APP: variants seen among roughly 807,000 people sequenced by gnomAD.
APP encodes amyloid beta precursor protein.
Under a neutral mutation model 101.4 loss-of-function variants are expected in APP, and 31 were observed. The ratio of observed to expected loss-of-function variants is 0.31; its 90% confidence interval spans 0.23 to 0.41. The LOEUF is 0.41. Ranked by LOEUF, APP falls within the 10% of genes least tolerant of loss-of-function variation. The pLI is 1.00. For synonymous variants in APP, 366 were observed against 364.4 expected, an observed-to-expected ratio of 1.00 and a Z score of -0.05; for missense variants, 839 against 1,003.7, an observed-to-expected ratio of 0.84 and a Z score of 2.22.
At chr21:25,920,295 A>G (rs375059625) in intron 13 of APP, among the ~76,000 whole-genome samples, 9 of 152,188 alleles carry the variant, frequency 5.9e-5, no homozygotes, top group Middle Eastern at 3.4e-3. Flanking sequence ...AAAGACCATC[A>G]AGACTAGGAA....
At chr21:26,000,942 AT>A (rs2043266944) in intron 6 of APP, among the ~76,000 whole-genome samples, 3 of 151,850 alleles carry the variant, frequency 2.0e-5, no homozygotes, top group Admixed American at 2.0e-4. Flanking sequence ...TATTTAATTG[AT>A]ATTTATATAT....
chr21:26,125,622 C>G (rs2062666320), intron 1 of APP, among the ~76,000 whole-genome samples: 1 of 150,862 alleles, frequency 6.6e-6, no homozygotes, highest in Non-Finnish European at 1.5e-5. Flanking sequence ...TGGCCAAGGT[C>G]AACAGGCATT....
chr21:26,105,003 GA>G (rs895280777), intron 2 of APP, among the ~76,000 whole-genome samples: 28 of 91,686 alleles, frequency 3.1e-4, no homozygotes, highest in Non-Finnish European at 4.0e-4. Flanking sequence ...ACTATTGGGA[GA>G]AAAAAAAAAT....
intron 8 of APP, among the ~76,000 whole-genome samples, chr21:25,988,780 C>A (rs533313750): frequency 6.6e-6 from 1 of 151,318 alleles, no homozygotes; most frequent in African/African-American, 2.4e-5. Flanking sequence ...GGTTGTTGCC[C>A]TCAGCCCCCT....
chr21:25,901,096 G>A (rs1270488545), intron 15 of APP, among the ~76,000 whole-genome samples: 1 of 151,880 alleles, frequency 6.6e-6, no homozygotes, highest in Non-Finnish European at 1.5e-5. Flanking sequence ...TCAGGAGTTC[G>A]AGACCAGCCT....
intron 1 of APP, among the ~76,000 whole-genome samples, chr21:26,164,219 T>C (rs2063559405): frequency 6.6e-6 from 1 of 152,236 alleles, no homozygotes; most frequent in African/African-American, 2.4e-5. Flanking sequence ...CATTCCAGCT[T>C]GGGCGACAGG....
At chr21:26,023,450 G>C (rs55703628) in intron 5 of APP, among the ~76,000 whole-genome samples, 2 of 151,908 alleles carry the variant, frequency 1.3e-5, no homozygotes, top group Non-Finnish European at 2.9e-5. Context: ...TGGGGCGGGA[G>C]GATTGCTTGA....
At chr21:26,163,632 T>C (rs2063546146) in intron 1 of APP, among the ~76,000 whole-genome samples, 1 of 152,226 alleles carries the variant, frequency 6.6e-6, no homozygotes, top group Non-Finnish European at 1.5e-5. Context: ...CATCCTCGTA[T>C]GTGAACCCAC....
intron 4 of APP, 34 bp from the exon 5 acceptor site, chr21:26,051,227 G>C (rs772080183): frequency 4.4e-6 from 7 of 1,579,966 alleles, no homozygotes; most frequent in South Asian, 1.1e-5. Flanking sequence ...GTGAGTGGTA[G>C]AGTAGATGTG....
intron 1 of APP, among the ~76,000 whole-genome samples, chr21:26,153,454 C>T (rs1010737659): frequency 7.7e-6 from 1 of 129,894 alleles, no homozygotes; most frequent in African/African-American, 3.2e-5. Flanking sequence ...TACCCCTGTA[C>T]CTTGTTGTTG....
intron 3 of APP, among the ~76,000 whole-genome samples, chr21:26,056,979 T>C: frequency 6.6e-6 from 1 of 152,218 alleles, no homozygotes; most frequent in East Asian, 1.9e-4. Context: ...TAATGAAGCC[T>C]TTTTCACCAA....
At chr21:25,972,104 AAC>A (rs1248668274) in intron 11 of APP, among the ~76,000 whole-genome samples, 36 of 152,348 alleles carry the variant, frequency 2.4e-4, no homozygotes, top group Middle Eastern at 3.4e-3. Flanking sequence ...TGGATATTTA[AAC>A]AGTTTTCATA....
At chr21:26,099,836 CTA>C (rs1228464370) in intron 2 of APP, among the ~76,000 whole-genome samples, 1 of 152,196 alleles carries the variant, frequency 6.6e-6, no homozygotes, top group Non-Finnish European at 1.5e-5. Context: ...TATCAGCATG[CTA>C]TGTTTCCAAA....
In APP at chr21:26,159,649, C is replaced by G. The variant is rs1214648016; in HGVS notation, c.57+10915G>C. On this transcript the variant is annotated intron_variant, in intron 1 of 17. Transcript: ENST00000346798. ...CAGATTGCTTTGTAAATCTAAATAA[C>G]TTCGCATGTGATAATAAATTCTAAG... is the stretch of plus-strand genomic sequence containing the variant. 3.3e-5 allele frequency among the ~76,000 whole-genome samples: 5 copies of G among 152,320 alleles called. No homozygotes were observed. The South Asian group carries it at 6.2e-4, about 19-fold the overall frequency.
At position 26,027,841 on chromosome 21, in the gene APP, G is replaced by T. The variant is rs117961201; in HGVS notation, c.663-5799C>A. On this transcript the variant is annotated intron_variant, in intron 5 of 17. Transcript: ENST00000346798. The stretch of plus-strand genomic sequence containing the variant: ...GCAGCTAAAGGCATAAGCCCACCTG[G>T]GGCCCTAGGTTTAAGGCCTCCAGCT... 6.5e-3 allele frequency among the ~76,000 whole-genome samples: 983 copies of T among 152,232 alleles called. 4 individuals carry two copies. Among genetic ancestry groups the T allele is most frequent in the Non-Finnish European group, 9.4e-3 (642 of 68,016 alleles).
At position 25,914,549 on chromosome 21, in the gene APP, C is replaced by CTTTTTTT. The variant is rs10647133; in HGVS notation, c.1688-2594_1688-2588dup. Among the ~76,000 whole-genome samples the CTTTTTTT allele has an allele frequency of 6.1e-5, 7 of 114,798 alleles. 1 individual carries two copies. The highest frequency in any genetic ancestry group is 1.7e-4 in the African/African-American group (4 of 23,836). 75.3% of individuals were successfully genotyped at this position (114,798 alleles called of 152,430 possible). ...TCTGGAGGATGCAGCCACAAGGCGC[C>CTTTTTTT]TTTTTTTTTTTTTTTTTTTTTTGAG... On this transcript the variant is annotated intron_variant, in intron 13 of 17. Coordinates refer to ENST00000346798, the MANE Select transcript of APP (RefSeq NM_000484.4).
intron 13 of APP, among the ~76,000 whole-genome samples, chr21:25,918,550 G>A (rs912154441): frequency 5.3e-5 from 8 of 152,062 alleles, no homozygotes; most frequent in African/African-American, 1.7e-4. Context: ...GAAGCAGGGC[G>A]AGGCATTGCC....
intron 2 of APP, among the ~76,000 whole-genome samples, chr21:26,099,881 A>C (rs2062020730): frequency 6.6e-6 from 1 of 152,212 alleles, no homozygotes; most frequent in Non-Finnish European, 1.5e-5. Context: ...AGGCGGTAAA[A>C]TGCTGCAGGG....
intron 1 of APP, among the ~76,000 whole-genome samples, chr21:26,137,978 A>T (rs2830084): frequency 6.6e-6 from 1 of 151,890 alleles, no homozygotes; most frequent in Non-Finnish European, 1.5e-5. Flanking sequence ...TAAGAAGGGT[A>T]TCATAGGTAT....
Sources: allele counts gnomAD v4.1 joint callset (sites outside exome capture counted in the v4.1 genomes callset), GRCh38; gene constraint gnomAD v4.1.1; transcripts MANE v1.5; gene names NCBI Gene and HGNC (gene_info 2026-07-23, HGNC 2026-07-21).